SFTPA1: variants seen among roughly 807,000 people sequenced by gnomAD.
SFTPA1 encodes pulmonary surfactant-associated protein A1.
In SFTPA1, 13 loss-of-function variants were observed where a neutral mutation model predicts 19.1. That is an observed-to-expected ratio of 0.68 (90% CI 0.44 to 1.08). The LOEUF (loss-of-function observed/expected upper bound fraction) is 1.08. SFTPA1 is among the 50% of genes least tolerant of loss of function. SFTPA1 has a pLI of 0.00. For synonymous variants in SFTPA1, 101 were observed against 117.0 expected (o/e 0.86, Z 0.88); for missense variants, 259 against 316.4 (o/e 0.82, Z 1.38).
At position 79,615,176 on chromosome 10, in the gene SFTPA1, C is replaced by T. The variant is rs1199407014; in HGVS notation, c.*1063C>T. 4 of 1,059,890 alleles carry T rather than the reference C, an allele frequency of 3.8e-6. No individual in the cohort carries two copies. Among genetic ancestry groups the T allele is most frequent in the Non-Finnish European group, 5.1e-6 (4 of 787,068 alleles). The allele number at this position is 1,059,890 out of a possible 1,614,324, so 65.7% of individuals were successfully genotyped here. A position where few individuals can be genotyped will look rare whatever the true frequency, so the allele number is the denominator to read the frequency against. Reference sequence around the variant, plus strand: ...CTATTGACTGAGCACCTATCATTTGCCAAGAACCTTGACAAGCACTTCTAA... The same window carrying T: ...CTATTGACTGAGCACCTATCATTTGTCAAGAACCTTGACAAGCACTTCTAA... On this transcript the variant is annotated 3_prime_UTR_variant, in exon 6 of 6. Transcript: ENST00000398636.
intron 5 of SFTPA1, 92 bp from the exon 6 acceptor site, chr10:79,613,645 C>G: frequency 6.2e-7 from 1 of 1,603,976 alleles, no homozygotes; most frequent in Admixed American, 1.7e-5. Context: ...GATGGAGAGA[C>G]TGGGGAGAAT....
In SFTPA1 at chr10:79,611,882, G is replaced by A. The variant is rs146565196; in HGVS notation, c.57G>A (p.Val19=). 3.7e-6 allele frequency: 6 copies of A among 1,613,890 alleles called. No individual in the cohort carries two copies. The African/African-American group carries it at 4.0e-5, about 11-fold the overall frequency. The part of the protein sequence containing the change: ...NLILMAASGA[V]CEVKDVCVGS... ...TCTTGATGGCAGCCTCTGGTGCTGT[G>A]TGCGAAGTGAAGGACGTTTGTGTTG... is the stretch of plus-strand genomic sequence containing the variant. The change falls in exon 3 of 6, where the codon GTG becomes GTA. Residue 19 remains valine (V), a synonymous_variant. Transcript: ENST00000398636.
chr10:79,614,172 G>A lies in SFTPA1; in HGVS notation c.*59G>A. 1 of 1,613,892 alleles carries A rather than the reference G, an allele frequency of 6.2e-7. No individual in the cohort carries two copies. The highest frequency in any genetic ancestry group is 8.5e-7 in the Non-Finnish European group (1 of 1,179,844). On this transcript the variant is annotated 3_prime_UTR_variant, in exon 6 of 6. Transcript: ENST00000398636. ...CTCTGGCCTTCGGCCTCCATCCTGA[G>A]GCTCCACTTGGTCTGTGAGATGCTA...
At position 79,614,211 on chromosome 10, in the gene SFTPA1, A is replaced by T. The variant is rs376773443; in HGVS notation, c.*98A>T. 6.3e-7 allele frequency: 1 copy of T among 1,599,050 alleles called. No homozygotes were observed. On this transcript the variant is annotated 3_prime_UTR_variant, in exon 6 of 6. Coordinates refer to ENST00000398636, the MANE Select transcript of SFTPA1 (RefSeq NM_005411.5). Reference sequence around the variant, plus strand: ...TGTGAGATGCTAGAACTCCCTTTCAACAGAATTCACTTGTGGCTATTGGGA... The same window carrying T: ...TGTGAGATGCTAGAACTCCCTTTCATCAGAATTCACTTGTGGCTATTGGGA...
chr10:79,612,552 C>G, intron 4 of SFTPA1, 121 bp downstream of exon 4: 1 of 1,484,906 alleles, frequency 6.7e-7, no homozygotes. Context: ...TTGGCTCAAC[C>G]TAAGTAAGAG....
Position 79,615,061 on chromosome 10 carries a change from A to G in SFTPA1, c.*948A>G. 7.7e-7 allele frequency: 1 copy of G among 1,305,330 alleles called. No homozygotes were observed. Among genetic ancestry groups the G allele is most frequent in the Non-Finnish European group, 1.0e-6 (1 of 988,952 alleles). 80.9% of individuals were successfully genotyped at this position (1,305,330 alleles called of 1,614,324 possible). A position where few individuals can be genotyped will look rare whatever the true frequency, so the allele number is the denominator to read the frequency against. Reference sequence around the variant, plus strand: ...CCCAGAGCTTATGTCTTCATCTGTGAAATGGGAATAAGATACTTGTTGCTG... The same window carrying G: ...CCCAGAGCTTATGTCTTCATCTGTGGAATGGGAATAAGATACTTGTTGCTG... On this transcript the variant is annotated 3_prime_UTR_variant, in exon 6 of 6. Coordinates refer to ENST00000398636, the MANE Select transcript of SFTPA1 (RefSeq NM_005411.5).
chr10:79,614,012 C>G lies in SFTPA1; in HGVS notation c.646C>G (p.Pro216Ala), dbSNP rs876657998. The change falls in exon 6 of 6, where the codon CCC (proline) becomes GCC (alanine). Residue 216 changes from proline to alanine, a missense_variant. Transcript: ENST00000398636. ...VNYTNWYRGEPAGRGKEQCVE... is the reference protein window; with the variant it reads ...VNYTNWYRGEAAGRGKEQCVE... ...CTACACCAACTGGTACCGAGGGGAGCCCGCAGGTCGGGGAAAAGAGCAGTG... is the reference window on the plus strand; with the variant it reads ...CTACACCAACTGGTACCGAGGGGAGGCCGCAGGTCGGGGAAAAGAGCAGTG... The G allele has an allele frequency of 6.2e-7, 1 of 1,614,226 alleles. No homozygotes were observed. Among genetic ancestry groups the G allele is most frequent in the Non-Finnish European group, 8.5e-7 (1 of 1,180,044 alleles).
At chr10:79,612,219 A>G (rs2132124796) in intron 3 of SFTPA1, 93 bp from the exon 4 acceptor site, 2 of 1,611,156 alleles carry the variant, frequency 1.2e-6, no homozygotes, top group Admixed American at 1.7e-5. Context: ...GTGATAGCTG[A>G]GCCAGCCCTG....
chr10:79,614,811 A>C lies in SFTPA1; in HGVS notation c.*698A>C. ...CCAGCCTAGGCCTCTAGGGTGACCTAGAGCCGCCTTCAGATGTGACCCGAG... is the reference window on the plus strand; with the variant it reads ...CCAGCCTAGGCCTCTAGGGTGACCTCGAGCCGCCTTCAGATGTGACCCGAG... On this transcript the variant is annotated 3_prime_UTR_variant, in exon 6 of 6. Transcript: ENST00000398636. 4.7e-5 allele frequency: 19 copies of C among 402,790 alleles called. No homozygotes were observed. The highest frequency in any genetic ancestry group is 9.0e-5 in the Non-Finnish European group (19 of 210,060). The allele number at this position is 402,790 out of a possible 1,614,324, so 25.0% of individuals were successfully genotyped here. A position where few individuals can be genotyped will look rare whatever the true frequency, so the allele number is the denominator to read the frequency against.
intron 4 of SFTPA1, among the ~76,000 whole-genome samples, chr10:79,612,910 C>G (rs1859945427): frequency 6.6e-6 from 1 of 151,948 alleles, no homozygotes; most frequent in African/African-American, 2.4e-5. Flanking sequence ...GGGACTTGCC[C>G]CACAGAGGCG....
Position 79,611,301 on chromosome 10 carries a change from A to G in SFTPA1, c.-94-18A>G. 2.9e-6 allele frequency: 1 copy of G among 350,858 alleles called. No homozygotes were observed. 21.7% of individuals were successfully genotyped at this position (350,858 alleles called of 1,614,324 possible). A position where few individuals can be genotyped will look rare whatever the true frequency, so the allele number is the denominator to read the frequency against. On this transcript the variant is annotated intron_variant, in intron 1 of 5. Coordinates refer to ENST00000398636, the MANE Select transcript of SFTPA1 (RefSeq NM_005411.5). ...GGGGGCCAGGCTGCGGGCCCCGTTC[A>G]TCTTTTTTCATTCTCAGGTCGCTGA...
Position 79,611,861 on chromosome 10 carries a change from G to T in SFTPA1, c.36G>T (p.Leu12Phe). ...WLCPLALNLI[L>F]MAASGAVCEV... ...GCCCTCTGGCCCTCAACCTCATCTT[G>T]ATGGCAGCCTCTGGTGCTGTGTGCG... The change falls in exon 3 of 6, where the codon TTG becomes TTT. Residue 12 changes from leucine (L) to phenylalanine (F), a missense_variant. Transcript: ENST00000398636. 6.2e-7 allele frequency: 1 copy of T among 1,614,022 alleles called. No individual in the cohort carries two copies. Among genetic ancestry groups the T allele is most frequent in the Non-Finnish European group, 8.5e-7 (1 of 1,179,862 alleles).
intron 4 of SFTPA1, among the ~76,000 whole-genome samples, chr10:79,612,672 C>A (rs1859928666): frequency 6.6e-6 from 1 of 152,070 alleles, no homozygotes; most frequent in South Asian, 2.1e-4. Flanking sequence ...TGGGGACACA[C>A]TGAGTCAGGT....
Position 79,613,364 on chromosome 10 carries a change from T to C in SFTPA1, c.370+98T>C, listed in dbSNP as rs1232310666. The C allele has an allele frequency of 1.7e-5, 27 of 1,557,190 alleles. No homozygotes were observed. The East Asian group carries it at 5.6e-4, about 32-fold the overall frequency. On this transcript the variant is annotated intron_variant, in intron 5 of 5. Transcript: ENST00000398636. ...AGAACATAGAGATTACAAATAGGCA[T>C]GCACATGCAGGTCTTGGGGAAAGGA... is the stretch of plus-strand genomic sequence containing the variant.
intron 2 of SFTPA1, 39 bp downstream of exon 2, chr10:79,611,428 G>C: frequency 1.3e-6 from 1 of 750,100 alleles, no homozygotes; most frequent in Non-Finnish European, 2.1e-6. Context: ...GGACAGGGCA[G>C]GTTTTCTGCA....
chr10:79,613,906 G>C lies in SFTPA1; in HGVS notation c.540G>C (p.Lys180Asn). ...AGGCCATTGCAAGCTTCGTGAAGAA[G>C]TACAACACATATGCCTATGTAGGCC... is the stretch of plus-strand genomic sequence containing the variant. ...ENEAIASFVK[K>N]YNTYAYVGLT... Residue 180 changes from lysine (K) to asparagine (N), a missense_variant, in exon 6 of 6, where the codon AAG becomes AAC. Physicochemically the swap from Lys to Asn is moderately conservative, Grantham distance 94 (BLOSUM62 0). Coordinates refer to ENST00000398636, the MANE Select transcript of SFTPA1 (RefSeq NM_005411.5). The C allele has an allele frequency of 6.2e-7, 1 of 1,614,024 alleles. No individual in the cohort carries two copies. The highest frequency in any genetic ancestry group is 8.5e-7 in the Non-Finnish European group (1 of 1,179,878).
chr10:79,615,048 G>A lies in SFTPA1; in HGVS notation c.*935G>A. ...AAGATTTTTTTTTCCCAGAGCTTAT[G>A]TCTTCATCTGTGAAATGGGAATAAG... On this transcript the variant is annotated 3_prime_UTR_variant, in exon 6 of 6. Coordinates refer to ENST00000398636, the MANE Select transcript of SFTPA1 (RefSeq NM_005411.5). 3.1e-6 allele frequency: 4 copies of A among 1,305,174 alleles called. No individual in the cohort carries two copies. Among genetic ancestry groups the A allele is most frequent in the Non-Finnish European group, 4.0e-6 (4 of 988,922 alleles). 80.8% of individuals were successfully genotyped at this position (1,305,174 alleles called of 1,614,324 possible). A position where few individuals can be genotyped will look rare whatever the true frequency, so the allele number is the denominator to read the frequency against.
In SFTPA1 at chr10:79,611,818, C is replaced by G; in HGVS notation, c.-8C>G. The G allele has an allele frequency of 1.9e-6, 3 of 1,614,022 alleles. No homozygotes were observed. The highest frequency in any genetic ancestry group is 4.5e-5 in the East Asian group (2 of 44,880). ...CCTCCTGCAGGAGCAGCGACTGGAC[C>G]CAGAGCCATGTGGCTGTGCCCTCTG... On this transcript the variant is annotated 5_prime_UTR_variant, in exon 3 of 6. Transcript: ENST00000398636.
rs1860035675 is a variant in SFTPA1, at chr10:79,614,187, G to C, written c.*74G>C. 5 of 1,612,152 alleles carry C rather than the reference G, an allele frequency of 3.1e-6. No homozygotes were observed. The East Asian group carries it at 1.1e-4, about 36-fold the overall frequency. ...TCCATCCTGAGGCTCCACTTGGTCT[G>C]TGAGATGCTAGAACTCCCTTTCAAC... On this transcript the variant is annotated 3_prime_UTR_variant, in exon 6 of 6. Transcript: ENST00000398636.
Sources: gnomAD v4.1 joint callset for allele counts (sites outside exome capture counted in the v4.1 genomes callset) on GRCh38, gnomAD v4.1.1 for gene constraint, MANE v1.5 for transcripts, NCBI Gene and HGNC (gene_info 2026-07-23, HGNC 2026-07-21) for gene names.